The following TTC3 variants were observed in gnomAD, a reference collection of about 807,000 sequenced individuals.
TTC3 encodes the protein E3 ubiquitin-protein ligase TTC3.
Under a neutral mutation model 249.6 loss-of-function variants are expected in TTC3, and 180 were observed. The ratio of observed to expected loss-of-function variants is 0.72; its 90% CI spans 0.64 to 0.82. TTC3 has a LOEUF of 0.82. TTC3 is among the 40% of genes least tolerant of loss of function. The pLI, the probability that TTC3 is intolerant of heterozygous loss-of-function variation, is 0.00. For missense variants in TTC3, 2,061 were observed against 2,398.4 expected (o/e 0.86, Z 2.94); for synonymous variants, 717 against 805.0 (o/e 0.89, Z 1.85).
At chr21:37,104,588 C>CAAAAAAAAAAAAAAAAAAAAAAAA (rs141618903) in intron 10 of TTC3, among the ~76,000 whole-genome samples, 73 of 104,284 alleles carry the variant, frequency 7.0e-4, no homozygotes, top group Middle Eastern at 5.1e-3. Flanking sequence ...AACTCCGTCT[C>CAAAAAAAAAAAAAAAAAAAAAAAA]AAAAAAAAAA....
At chr21:37,138,759 CA>C (rs2078183171) in intron 19 of TTC3, 45 bp downstream of exon 19, 1 of 1,302,670 alleles carries the variant, frequency 7.7e-7, no homozygotes, top group East Asian at 2.4e-5. Context: ...ATGATATTGA[CA>C]TATCTTATAA....
chr21:37,095,606 G>A (rs550277955), intron 9 of TTC3, 162 bp downstream of exon 9: 2 of 484,612 alleles, frequency 4.1e-6, no homozygotes, highest in Non-Finnish European at 7.3e-6. Flanking sequence ...GAGATGGCCT[G>A]GGTATATGAA....
At chr21:37,168,067 T>C (rs1374585853) in intron 34 of TTC3, among the ~76,000 whole-genome samples, 1 of 152,082 alleles carries the variant, frequency 6.6e-6, no homozygotes, top group East Asian at 1.9e-4. Flanking sequence ...ACTAATATAA[T>C]TTAGTTCGTT....
At chr21:37,135,322 G>A in intron 17 of TTC3, 58 bp from the exon 18 acceptor site, 1 of 1,543,264 alleles carries the variant, frequency 6.5e-7, no homozygotes, top group Non-Finnish European at 8.8e-7. Flanking sequence ...TGGCATCTTA[G>A]GTTTTAAATT....
chr21:37,088,463 T>G, intron 4 of TTC3, 117 bp downstream of exon 4: 2 of 1,285,468 alleles, frequency 1.6e-6, no homozygotes, highest in Non-Finnish European at 2.1e-6. Context: ...GCTCAACGTT[T>G]GTGTAATAGG....
At chr21:37,171,162 T>C (rs966873181) in intron 34 of TTC3, among the ~76,000 whole-genome samples, 2 of 152,244 alleles carry the variant, frequency 1.3e-5, no homozygotes, top group Non-Finnish European at 2.9e-5. Context: ...TGTTTACTGT[T>C]GTTGAAGTCT....
At chr21:37,143,672 GA>G (rs1208724359) in intron 20 of TTC3, among the ~76,000 whole-genome samples, 2 of 151,208 alleles carry the variant, frequency 1.3e-5, no homozygotes, top group Non-Finnish European at 2.9e-5. Context: ...AACCATTGTG[GA>G]AGTCAGTGTG....
intron 35 of TTC3, among the ~76,000 whole-genome samples, chr21:37,179,733 C>G (rs1419085308): frequency 6.6e-6 from 1 of 151,916 alleles, no homozygotes; most frequent in Admixed American, 6.6e-5. Context: ...CTCCTGGGCT[C>G]AAGGGATCCT....
intron 36 of TTC3, 52 bp downstream of exon 36, chr21:37,182,965 CT>C: frequency 2.9e-6 from 4 of 1,402,186 alleles, no homozygotes; most frequent in Non-Finnish European, 3.8e-6. Context: ...AATATTGTGG[CT>C]TTTGGTTATT....
At chr21:37,111,885 A>G (rs2075697066) in intron 11 of TTC3, among the ~76,000 whole-genome samples, 2 of 152,186 alleles carry the variant, frequency 1.3e-5, no homozygotes, top group East Asian at 3.9e-4. Context: ...GGAACTCAGG[A>G]TTAAGAAACT....
chr21:37,156,510 A>G, intron 27 of TTC3, 145 bp from the exon 28 acceptor site: 1 of 966,236 alleles, frequency 1.0e-6, no homozygotes, highest in East Asian at 2.5e-5. Flanking sequence ...AATAGCTTGA[A>G]CGAATCTGTT....
chr21:37,138,078 C>T (rs2078119619), intron 18 of TTC3, among the ~76,000 whole-genome samples: 1 of 152,146 alleles, frequency 6.6e-6, no homozygotes. Context: ...AGTAAACCCT[C>T]AGATGATCAT....
At chr21:37,117,215 G>A (rs1246193004) in intron 11 of TTC3, among the ~76,000 whole-genome samples, 2 of 152,136 alleles carry the variant, frequency 1.3e-5, no homozygotes, top group Non-Finnish European at 2.9e-5. Flanking sequence ...TAGGAGTGTG[G>A]AGATTGTAAA....
chr21:37,159,882 G>A lies in TTC3; in HGVS notation c.3039+137G>A, dbSNP rs369223330. ...CATTAAAAGGACGTCTGGGTAGTAC[G>A]TACTATTATTCATTAGAAAGTCACT... On this transcript the variant is annotated intron_variant, in intron 29 of 45. Transcript: ENST00000355666. The A allele has an allele frequency of 3.2e-4, 192 of 592,580 alleles. No homozygotes were observed. The African/African-American group carries it at 4.4e-3, about 14-fold the overall frequency. 36.7% of individuals were successfully genotyped at this position (592,580 alleles called of 1,614,324 possible).
intron 34 of TTC3, among the ~76,000 whole-genome samples, chr21:37,168,524 A>G (rs1260328575): frequency 1.3e-5 from 2 of 152,310 alleles, no homozygotes; most frequent in Non-Finnish European, 2.9e-5. Context: ...ACTTAAATGT[A>G]TATAAAGAAA....
At chr21:37,075,931 T>A (rs1453804866) in intron 1 of TTC3, among the ~76,000 whole-genome samples, 1 of 152,208 alleles carries the variant, frequency 6.6e-6, no homozygotes, top group South Asian at 2.1e-4. Flanking sequence ...TCCATTTTAT[T>A]GTAGTATTTG....
intron 11 of TTC3, among the ~76,000 whole-genome samples, chr21:37,115,087 A>T (rs923481993): frequency 6.6e-6 from 1 of 151,956 alleles, no homozygotes; most frequent in Non-Finnish European, 1.5e-5. Context: ...CTAAATGACG[A>T]GTTAATGGGT....
At chr21:37,165,631 A>T in exon 33 of TTC3, 1 of 1,614,136 alleles carries the variant, frequency 6.2e-7, no homozygotes, top group Non-Finnish European at 8.5e-7. Flanking sequence ...AGTTTTTCCC[A>T]GAAGAAACTC....
chr21:37,132,433 C>G (rs763230141), intron 16 of TTC3, among the ~76,000 whole-genome samples: 11 of 151,722 alleles, frequency 7.3e-5, no homozygotes, highest in African/African-American at 2.7e-4. Flanking sequence ...CTGCCTCAGC[C>G]TCCCAGGTAG....
Sources: gnomAD v4.1 joint callset for allele counts (sites outside exome capture counted in the v4.1 genomes callset) on GRCh38, gnomAD v4.1.1 for gene constraint, MANE v1.5 for transcripts, NCBI Gene and HGNC (gene_info 2026-07-23, HGNC 2026-07-21) for gene names.